Variants in MED23 observed in about 807,000 individuals in gnomAD.
MED23 encodes mediator of RNA polymerase II transcription subunit 23.
In MED23, 105 loss-of-function variants were observed where a neutral mutation model predicts 163.9. The observed-to-expected ratio is 0.64, with a 90% CI of 0.55 to 0.75. The LOEUF is 0.75. Among genes scored for constraint, MED23 ranks in the 30% least tolerant of loss-of-function variants. The probability of loss-of-function intolerance (pLI) is 0.00; values close to 1 mark genes in which losing one functional copy is unlikely to be tolerated. For missense variants in MED23, 1,054 were observed against 1,649.0 expected (o/e 0.64, Z 6.25); for synonymous variants, 561 against 565.6 (o/e 0.99, Z 0.12).
At chr6:131,624,737 A>T in intron 4 of MED23, 128 bp downstream of exon 4, 5 of 1,023,652 alleles carry the variant, frequency 4.9e-6, no homozygotes, top group Non-Finnish European at 7.4e-6. Context: ...GGTATTATAT[A>T]AAGGATTACT....
chr6:131,591,676 A>C (rs1774647949), intron 25 of MED23, 149 bp from the exon 26 acceptor site: 1 of 670,756 alleles, frequency 1.5e-6, no homozygotes, highest in South Asian at 1.7e-5. Flanking sequence ...AACTGGTCAA[A>C]TTAAGTCAGT....
chr6:131,623,281 A>G (rs1463602693), intron 5 of MED23, 70 bp downstream of exon 5: 1 of 1,201,336 alleles, frequency 8.3e-7, no homozygotes, highest in Non-Finnish European at 1.2e-6. Flanking sequence ...CTCACCTGAA[A>G]ATAAGACATG....
chr6:131,592,359 C>G, intron 25 of MED23, 29 bp downstream of exon 25: 3 of 1,596,354 alleles, frequency 1.9e-6, no homozygotes, highest in Non-Finnish European at 2.6e-6. Flanking sequence ...TATTTCATCA[C>G]TAAGTACAAA....
intron 30 of MED23, chr6:131,576,809 C>T (rs141471733): frequency 7.6e-7 from 1 of 1,307,382 alleles, no homozygotes; most frequent in East Asian, 2.4e-5. Flanking sequence ...CCCTGTGAAC[C>T]TGGAGTGTGT....
intron 18 of MED23, 129 bp downstream of exon 18, chr6:131,599,909 C>T (rs1250002159): frequency 1.7e-6 from 2 of 1,155,984 alleles, no homozygotes; most frequent in Non-Finnish European, 2.5e-6. Flanking sequence ...ATGCCCAGCC[C>T]CTAAATATTT....
Position 131,594,297 on chromosome 6 carries a change from A to T in MED23, c.3034T>A (p.Tyr1012Asn). 6.2e-7 allele frequency: 1 copy of T among 1,614,156 alleles called. No individual in the cohort carries two copies. The highest frequency in any genetic ancestry group is 8.5e-7 in the Non-Finnish European group (1 of 1,179,992). ...VTYLYNTLHY[Y>N]EMHLRDRAFL... ...GCGCGGTCTCTCAGGTGCATTTCAT[A>T]ATAGTGCAGAGTGTTATACAGATAA... Residue 1012 changes from tyrosine to asparagine, a missense_variant, in exon 23 of 29, where the codon TAT (tyrosine) becomes AAT (asparagine). Tyr to Asn is a moderately radical substitution (Grantham distance 143). This residue lies in a region of MED23 where 362 missense variants were observed against 471.6 expected (regional missense o/e 0.77). Transcript: ENST00000368068.
At chr6:131,597,475 CAAAAAAAAAAAAA>C (rs59083644) in intron 20 of MED23, among the ~76,000 whole-genome samples, 1 of 53,754 alleles carries the variant, frequency 1.9e-5, no homozygotes, top group Non-Finnish European at 3.8e-5. Context: ...GACTCCATAT[CAAAAAAAAAAAAA>C]AAAAAAAAAG....
chr6:131,602,641 G>C (rs545487042), intron 16 of MED23, among the ~76,000 whole-genome samples: 1 of 152,206 alleles, frequency 6.6e-6, no homozygotes, highest in Admixed American at 6.5e-5. Flanking sequence ...TGGAGATACT[G>C]CATTTCAAAA....
intron 10 of MED23, among the ~76,000 whole-genome samples, chr6:131,613,406 T>G (rs913336934): frequency 1.3e-5 from 2 of 152,192 alleles, no homozygotes; most frequent in African/African-American, 4.8e-5. Flanking sequence ...CTGGAAAATG[T>G]AATATGAACA....
At chr6:131,590,178 G>A in intron 27 of MED23, 144 bp downstream of exon 27, 3 of 696,684 alleles carry the variant, frequency 4.3e-6, no homozygotes, top group Non-Finnish European at 7.5e-6. Flanking sequence ...GGCAAACTAA[G>A]TCCTCTAAAA....
intron 9 of MED23, among the ~76,000 whole-genome samples, chr6:131,616,792 G>T (rs998703486): frequency 5.3e-5 from 8 of 152,288 alleles, no homozygotes; most frequent in African/African-American, 1.9e-4. Flanking sequence ...CTATACTCCA[G>T]CCTGGGTGAC....
chr6:131,609,588 C>T (rs1407711850), intron 11 of MED23, among the ~76,000 whole-genome samples: 3 of 142,818 alleles, frequency 2.1e-5, no homozygotes, highest in Admixed American at 7.3e-5. Context: ...TTTTGGCTCA[C>T]TGCAACCTTA....
In MED23 at chr6:131,605,290, G is replaced by T. The variant is rs2114670399; in HGVS notation, c.1563C>A (p.Thr521=). ...AATCCAGGAGGTTCATAGGTAAGGG[G>T]GTAATAGATCCTGAAGCCATACAGT... ...GTNCMASGSI[T]PLPMNLLDSL... The change falls in exon 14 of 29, where the codon ACC becomes ACA. Residue 521 remains threonine, a synonymous_variant. Transcript: ENST00000368068. The T allele has an allele frequency of 6.2e-7, 1 of 1,613,370 alleles. No homozygotes were observed.
At position 131,624,813 on chromosome 6, in the gene MED23, A is replaced by G; in HGVS notation, c.284+52T>C. On this transcript the variant is annotated intron_variant, in intron 4 of 28. Coordinates refer to ENST00000368068, the MANE Select transcript of MED23 (RefSeq NM_004830.4). ...CAACAACAACCTCAACCAATTTCCA[A>G]TCACATATAGAAAAGAAAATTCTTC... The G allele has an allele frequency of 1.9e-6, 3 of 1,604,016 alleles. No individual in the cohort carries two copies. In the South Asian group the frequency reaches 3.3e-5, roughly 18 times the overall value.
At chr6:131,603,302 T>G in intron 15 of MED23, 98 bp from the exon 16 acceptor site, 1 of 1,203,526 alleles carries the variant, frequency 8.3e-7, no homozygotes, top group Non-Finnish European at 1.2e-6. Context: ...AAGATTTGAT[T>G]GTGAAAATAC....
intron 28 of MED23, among the ~76,000 whole-genome samples, chr6:131,588,092 C>A (rs1271185886): frequency 6.6e-6 from 1 of 152,128 alleles, no homozygotes; most frequent in East Asian, 1.9e-4. Context: ...TGTACATGTA[C>A]CATATGTATA....
chr6:131,575,924 T>C (rs1773590505), intron 30 of MED23, among the ~76,000 whole-genome samples: 1 of 152,188 alleles, frequency 6.6e-6, no homozygotes. Context: ...ATGATGACTT[T>C]TTCTGTTGCC....
chr6:131,616,818 C>T (rs1395395480), intron 9 of MED23, among the ~76,000 whole-genome samples: 1 of 152,120 alleles, frequency 6.6e-6, no homozygotes, highest in African/African-American at 2.4e-5. Context: ...GAGAGCCTGA[C>T]TTAAGAAACA....
chr6:131,585,448 A>C (rs1774143822), downstream of MED23, among the ~76,000 whole-genome samples: 1 of 152,266 alleles, frequency 6.6e-6, no homozygotes, highest in Admixed American at 6.5e-5. Context: ...TAGGCCTTTG[A>C]AAGATAAACA....
Sources: allele counts gnomAD v4.1 joint callset (sites outside exome capture counted in the v4.1 genomes callset), GRCh38; gene constraint gnomAD v4.1.1; regional missense constraint gnomAD v4.1.1; transcripts MANE v1.5; gene names NCBI Gene and HGNC (gene_info 2026-07-23, HGNC 2026-07-21).